The following RBFOX1 variants were observed in gnomAD, a reference collection of about 807,000 sequenced individuals.
The protein encoded by RBFOX1 is RNA binding fox-1 homolog 1, also known as RNA binding protein fox-1 homolog 1.
RBFOX1 carries 8 observed loss-of-function variants against 57.7 expected under a neutral mutation model. The ratio of observed to expected loss-of-function variants is 0.14; its 90% confidence interval spans 0.08 to 0.25. RBFOX1 has a LOEUF of 0.25. RBFOX1 is among the 10% of genes least tolerant of loss of function. The pLI, the probability that RBFOX1 is intolerant of heterozygous loss-of-function variation, is 1.00. For missense variants in RBFOX1, 611 were observed against 548.5 expected (o/e 1.11, Z -1.14); for synonymous variants, 326 against 222.4 (o/e 1.47, Z -4.15).
intron 1 of RBFOX1, among the ~76,000 whole-genome samples, chr16:6,132,905 C>T (rs1331420126): frequency 4.7e-5 from 7 of 148,332 alleles, no homozygotes; most frequent in African/African-American, 7.5e-5. Flanking sequence ...GCAGAGGTCG[C>T]AGTGAGCCGA....
At position 5,775,877 on chromosome 16, in the gene RBFOX1, G is replaced by A. The variant is rs542063087; in HGVS notation, c.319-91426G>A. ...GGAGAAAGACTATCGGACGAGTCAG[G>A]GCCAGACAATTGTTCTCCTTTTTTA... On this transcript the variant is annotated intron_variant, in intron 3 of 19. Coordinates refer to the RBFOX1 transcript ENST00000641259. Among the ~76,000 whole-genome samples, 3 of 152,286 alleles carry A rather than the reference G, an allele frequency of 2.0e-5. No individual in the cohort carries two copies. The South Asian group carries it at 6.2e-4, about 32-fold the overall frequency.
At chr16:5,912,451 C>T (rs1025439614) in intron 4 of RBFOX1, among the ~76,000 whole-genome samples, 3 of 152,282 alleles carry the variant, frequency 2.0e-5, no homozygotes, top group Admixed American at 6.5e-5. Context: ...GGACATGTCA[C>T]GGCCACCTGG....
At chr16:6,640,677 G>C (rs1023728935) in intron 2 of RBFOX1, among the ~76,000 whole-genome samples, 18 of 152,076 alleles carry the variant, frequency 1.2e-4, no homozygotes, top group African/African-American at 4.3e-4. Flanking sequence ...GTACATTGGG[G>C]TATATCACAT....
chr16:7,099,077 G>C (rs140780851), intron 4 of RBFOX1, among the ~76,000 whole-genome samples: 17 of 152,292 alleles, frequency 1.1e-4, no homozygotes, highest in African/African-American at 4.1e-4. Context: ...TTCTCAAACA[G>C]TTATGGTGAA....
intron 4 of RBFOX1, among the ~76,000 whole-genome samples, chr16:7,505,166 T>C (rs2072825911): frequency 6.6e-6 from 1 of 151,298 alleles, no homozygotes; most frequent in South Asian, 2.1e-4. Context: ...TGAATGCTTT[T>C]GTACATGTGT....
At chr16:7,519,375 A>C (rs573997901) in intron 5 of RBFOX1, among the ~76,000 whole-genome samples, 37 of 152,316 alleles carry the variant, frequency 2.4e-4, no homozygotes, top group Admixed American at 5.2e-4. Flanking sequence ...TGAATAAGGG[A>C]ACTGTCCTGT....
chr16:6,914,889 A>G (rs2072718792), intron 3 of RBFOX1, among the ~76,000 whole-genome samples: 1 of 152,204 alleles, frequency 6.6e-6, no homozygotes, highest in South Asian at 2.1e-4. Context: ...CCCTCTCAAA[A>G]ACAAAACACA....
chr16:5,494,891 T>A (rs2042951487), intron 2 of RBFOX1, among the ~76,000 whole-genome samples: 1 of 152,224 alleles, frequency 6.6e-6, no homozygotes, highest in Admixed American at 6.5e-5. Context: ...CTCCTTCTTT[T>A]TATGTTCCAA....
chr16:7,092,063 A>G (rs1332161219), intron 4 of RBFOX1, among the ~76,000 whole-genome samples: 1 of 152,236 alleles, frequency 6.6e-6, no homozygotes, highest in Non-Finnish European at 1.5e-5. Context: ...TCTAGCACCT[A>G]AGATATATGC....
In RBFOX1 at chr16:7,435,519, G is replaced by T. The variant is rs112496449; in HGVS notation, c.28-82628G>T. On this transcript the variant is annotated intron_variant, in intron 4 of 15. Coordinates refer to ENST00000550418, the MANE Select transcript of RBFOX1 (RefSeq NM_018723.4). ...CACTATGAGCAGTTGACACTTACGG[G>T]TGAGGTGTTTGTTAGGCTTCACCTC... Among the ~76,000 whole-genome samples, 168 of 152,304 alleles carry T rather than the reference G, an allele frequency of 1.1e-3. 1 individual carries two copies. Among genetic ancestry groups the T allele is most frequent in the African/African-American group, 3.8e-3 (159 of 41,572 alleles).
intron 3 of RBFOX1, among the ~76,000 whole-genome samples, chr16:5,783,365 C>T (rs1312192765): frequency 6.6e-6 from 1 of 152,072 alleles, no homozygotes; most frequent in Admixed American, 6.5e-5. Context: ...GTTTTGATTT[C>T]TGTTTCTACA....
chr16:7,545,986 T>C (rs1055105367), intron 5 of RBFOX1, among the ~76,000 whole-genome samples: 3 of 148,936 alleles, frequency 2.0e-5, no homozygotes, highest in Non-Finnish European at 3.0e-5. Context: ...GAAGCACTTA[T>C]TACTATTATT....
At position 7,572,720 on chromosome 16, in the gene RBFOX1, T is replaced by A. The variant is rs942885136; in HGVS notation, c.271-7057T>A. Among the ~76,000 whole-genome samples the A allele has an allele frequency of 3.9e-5, 6 of 152,064 alleles. No homozygotes were observed. The East Asian group carries it at 9.7e-4, about 24-fold the overall frequency. ...TGGGCGTAGTGGCTGGCGCCTGTAG[T>A]CACAGCTACTCGGGAGGCTGAGGCA... On this transcript the variant is annotated intron_variant, in intron 5 of 15. Coordinates refer to ENST00000550418, the MANE Select transcript of RBFOX1 (RefSeq NM_018723.4).
chr16:5,652,146 C>G (rs76004270), intron 3 of RBFOX1, among the ~76,000 whole-genome samples: 2 of 152,188 alleles, frequency 1.3e-5, no homozygotes, highest in South Asian at 2.1e-4. Flanking sequence ...AAAAATTATA[C>G]TTTTAATGAT....
At chr16:6,612,428 T>A (rs535678873) in intron 2 of RBFOX1, among the ~76,000 whole-genome samples, 1 of 152,332 alleles carries the variant, frequency 6.6e-6, no homozygotes, top group East Asian at 1.9e-4. Flanking sequence ...TATGTGCAGA[T>A]CTCTAATTAC....
intron 2 of RBFOX1, among the ~76,000 whole-genome samples, chr16:6,634,541 T>C (rs1183889206): frequency 6.7e-6 from 1 of 148,302 alleles, no homozygotes; most frequent in Non-Finnish European, 1.5e-5. Context: ...TTTTATATTT[T>C]TTAATTTAAA....
chr16:6,769,872 G>C (rs1015363335), intron 3 of RBFOX1, among the ~76,000 whole-genome samples: 1 of 152,184 alleles, frequency 6.6e-6, no homozygotes, highest in Non-Finnish European at 1.5e-5. Flanking sequence ...GATTTGTTTG[G>C]AGCGATTTGA....
intron 4 of RBFOX1, among the ~76,000 whole-genome samples, chr16:5,913,973 G>A (rs2058656246): frequency 6.6e-6 from 1 of 152,192 alleles, no homozygotes; most frequent in Non-Finnish European, 1.5e-5. Flanking sequence ...GGTCAGTGGT[G>A]GTAAGGAACT....
intron 1 of RBFOX1, among the ~76,000 whole-genome samples, chr16:6,056,518 T>G (rs2095616553): frequency 6.6e-6 from 1 of 152,184 alleles, no homozygotes; most frequent in Non-Finnish European, 1.5e-5. Context: ...CAAGGGAAAA[T>G]AAAAACCTTG....
Sources: gnomAD v4.1 joint callset for allele counts (sites outside exome capture counted in the v4.1 genomes callset) on GRCh38, gnomAD v4.1.1 for gene constraint, MANE v1.5 for transcripts, NCBI Gene and HGNC (gene_info 2026-07-23, HGNC 2026-07-21) for gene names.